The following PTPRG variants were observed in gnomAD, a reference collection of about 807,000 sequenced individuals.
PTPRG encodes the protein protein tyrosine phosphatase receptor type G.
Under a neutral mutation model 165.3 loss-of-function variants are expected in PTPRG, and 102 were observed. The observed-to-expected ratio is 0.62, with a 90% CI of 0.53 to 0.73. The LOEUF is 0.73. Among genes scored for constraint, PTPRG ranks in the 30% least tolerant of loss-of-function variants. The pLI is 0.00. For missense variants in PTPRG, 1,866 were observed against 1,861.4 expected, an observed-to-expected ratio of 1.00 and a Z score of -0.05; for synonymous variants, 675 against 669.5, an observed-to-expected ratio of 1.01 and a Z score of -0.13.
chr3:61,840,778 G>GTTTTTTTTTTTTTTTTTT (rs1421518243), intron 2 of PTPRG, among the ~76,000 whole-genome samples: 2 of 106,194 alleles, frequency 1.9e-5, no homozygotes, highest in African/African-American at 4.5e-5. Flanking sequence ...TTTTTTGTTT[G>GTTTTTTTTTTTTTTTTTT]TTTGTTTTTT....
At chr3:61,932,280 A>G (rs1443435511) in intron 2 of PTPRG, among the ~76,000 whole-genome samples, 3 of 152,210 alleles carry the variant, frequency 2.0e-5, no homozygotes, top group Admixed American at 1.3e-4. Context: ...GCAGCACTGC[A>G]TGGAATTATC....
chr3:61,582,646 C>A (rs1559511706), intron 1 of PTPRG, among the ~76,000 whole-genome samples: 1 of 152,146 alleles, frequency 6.6e-6, no homozygotes, highest in Non-Finnish European at 1.5e-5. Context: ...ACTCTTGGGT[C>A]CAGCTGTTGA....
intron 1 of PTPRG, among the ~76,000 whole-genome samples, chr3:61,564,073 G>C (rs1699843637): frequency 6.6e-6 from 1 of 152,318 alleles, no homozygotes; most frequent in Middle Eastern, 3.4e-3. Flanking sequence ...TTGCCCACTG[G>C]AGTCCTGCCT....
At chr3:61,955,047 C>T (rs1305700565) in intron 2 of PTPRG, among the ~76,000 whole-genome samples, 1 of 152,168 alleles carries the variant, frequency 6.6e-6, no homozygotes, top group Non-Finnish European at 1.5e-5. Flanking sequence ...TGGCATCTCC[C>T]AGCAATTAAT....
chr3:61,926,594 TCCCTCCCTCCCTCCC>T (rs2039217322), intron 2 of PTPRG, among the ~76,000 whole-genome samples: 1 of 35,948 alleles, frequency 2.8e-5, no homozygotes, highest in Non-Finnish European at 6.0e-5. Flanking sequence ...CCTCCCTCCC[TCCCTCCCTCCCTCCC>T]TCCTTCCTTC....
At chr3:62,138,387 A>G (rs931968990) in intron 6 of PTPRG, among the ~76,000 whole-genome samples, 14 of 152,124 alleles carry the variant, frequency 9.2e-5, no homozygotes, top group African/African-American at 3.1e-4. Context: ...GCACCAACCT[A>G]TTTGCATCAA....
chr3:62,293,523 T>C lies in PTPRG; in HGVS notation c.*216T>C. ...TCACACAGTGAAACGCAATTTTACC[T>C]AGTTTGCACTATATGATCAGTGTTA... On this transcript the variant is annotated 3_prime_UTR_variant, in exon 30 of 30. Coordinates refer to ENST00000474889, the MANE Select transcript of PTPRG (RefSeq NM_002841.4). 2.5e-6 allele frequency: 1 copy of C among 407,048 alleles called. No homozygotes were observed. Among genetic ancestry groups the C allele is most frequent in the East Asian group, 3.8e-5 (1 of 26,524 alleles). 25.2% of individuals were successfully genotyped at this position (407,048 alleles called of 1,614,324 possible). A position where few individuals can be genotyped will look rare whatever the true frequency, so the allele number is the denominator to read the frequency against.
At chr3:61,950,413 C>A (rs1360600471) in intron 2 of PTPRG, among the ~76,000 whole-genome samples, 1 of 152,090 alleles carries the variant, frequency 6.6e-6, no homozygotes, top group Non-Finnish European at 1.5e-5. Context: ...TTTTTTGCCC[C>A]CATGATTTTA....
intron 8 of PTPRG, among the ~76,000 whole-genome samples, chr3:62,173,136 A>C (rs1705281001): frequency 6.6e-6 from 1 of 152,208 alleles, no homozygotes; most frequent in Admixed American, 6.5e-5. Flanking sequence ...ATACTTTAAA[A>C]TATTTCTAGA....
chr3:61,686,677 TATACTA>T (rs1235154612), intron 1 of PTPRG, among the ~76,000 whole-genome samples: 1 of 152,174 alleles, frequency 6.6e-6, no homozygotes, highest in African/African-American at 2.4e-5. Context: ...TTTAATAAAT[TATACTA>T]TGCTAAATAA....
chr3:61,614,841 T>C (rs1356499750), intron 1 of PTPRG, among the ~76,000 whole-genome samples: 1 of 152,222 alleles, frequency 6.6e-6, no homozygotes, highest in African/African-American at 2.4e-5. Context: ...AGTTTTGTTA[T>C]AAAATTAGCA....
At chr3:62,207,300 T>C (rs1259169089) in intron 12 of PTPRG, among the ~76,000 whole-genome samples, 1 of 152,214 alleles carries the variant, frequency 6.6e-6, no homozygotes, top group East Asian at 1.9e-4. Context: ...GTCCACAATC[T>C]GTCATTTGCC....
chr3:61,606,912 C>A (rs1215731577), intron 1 of PTPRG, among the ~76,000 whole-genome samples: 1 of 152,218 alleles, frequency 6.6e-6, no homozygotes, highest in African/African-American at 2.4e-5. Flanking sequence ...CACCAGATAT[C>A]ATGCCTTACT....
At chr3:62,110,727 C>G (rs1206299598) in intron 5 of PTPRG, among the ~76,000 whole-genome samples, 1 of 152,194 alleles carries the variant, frequency 6.6e-6, no homozygotes, top group Admixed American at 6.5e-5. Flanking sequence ...AATCCGTTCA[C>G]ATTTCTAAGA....
At chr3:62,079,521 G>T (rs1701495816) in intron 5 of PTPRG, among the ~76,000 whole-genome samples, 1 of 152,190 alleles carries the variant, frequency 6.6e-6, no homozygotes, top group African/African-American at 2.4e-5. Flanking sequence ...TATAGAATTT[G>T]TTTATGCACA....
At chr3:62,208,621 A>T (rs973947004) in intron 12 of PTPRG, among the ~76,000 whole-genome samples, 1 of 152,102 alleles carries the variant, frequency 6.6e-6, no homozygotes, top group Admixed American at 6.5e-5. Context: ...TGCATGGCCC[A>T]TGAGCTAAGA....
At chr3:61,752,803 A>AAAAAAAAAT in intron 2 of PTPRG, among the ~76,000 whole-genome samples, 2 of 33,136 alleles carry the variant, frequency 6.0e-5, no homozygotes, top group Non-Finnish European at 9.2e-5. Context: ...AAAAAAAAAG[A>AAAAAAAAAT]AAAAAAAAAA....
intron 2 of PTPRG, among the ~76,000 whole-genome samples, chr3:61,984,202 C>T (rs907384032): frequency 2.6e-5 from 4 of 152,262 alleles, no homozygotes; most frequent in Middle Eastern, 3.4e-3. Context: ...TTGTGAATGG[C>T]ACACTAAGGA....
At chr3:62,289,960 G>T (rs1338405520) in intron 28 of PTPRG, among the ~76,000 whole-genome samples, 1 of 152,062 alleles carries the variant, frequency 6.6e-6, no homozygotes, top group African/African-American at 2.4e-5. Flanking sequence ...GGCAGATAAA[G>T]ATGTGGTCAA....
Sources: gnomAD v4.1 joint callset for allele counts (sites outside exome capture counted in the v4.1 genomes callset) on GRCh38, gnomAD v4.1.1 for gene constraint, MANE v1.5 for transcripts, NCBI Gene and HGNC (gene_info 2026-07-23, HGNC 2026-07-21) for gene names.